RGS6: variants seen among roughly 807,000 people sequenced by gnomAD.
The protein encoded by RGS6 is regulator of G-protein signaling 6.
A neutral mutation model predicts 78.5 loss-of-function variants in RGS6; 30 were observed. The observed-to-expected ratio is 0.38, with a 90% confidence interval of 0.29 to 0.52. RGS6 has a LOEUF of 0.52. Ranked by LOEUF, RGS6 falls within the 20% of genes least tolerant of loss-of-function variation. The pLI is 0.85. For synonymous variants in RGS6, 206 were observed against 206.0 expected (o/e 1.00, Z 0.00); for missense variants, 495 against 609.7 (o/e 0.81, Z 1.98).
At chr14:72,165,842 T>C (rs2096917776) in intron 2 of RGS6, among the ~76,000 whole-genome samples, 1 of 152,182 alleles carries the variant, frequency 6.6e-6, no homozygotes, top group African/African-American at 2.4e-5. Flanking sequence ...GACATGTGTT[T>C]ATTCTGCAAG....
In RGS6 at chr14:72,349,323, C is replaced by T. The variant is rs1596109512; in HGVS notation, c.85-2772C>T. ...AATAACAACTATTCTGAGGCGTGTT[C>T]TTCTCATGGTAAGAGGGCAAGAGAA... On this transcript the variant is annotated intron_variant, in intron 2 of 17. Transcript: ENST00000553525. Among the ~76,000 whole-genome samples, 4 of 152,156 alleles carry T rather than the reference C, an allele frequency of 2.6e-5. No homozygotes were observed. In the East Asian group the frequency reaches 7.7e-4, roughly 29 times the overall value.
intron 2 of RGS6, among the ~76,000 whole-genome samples, chr14:72,278,293 A>G (rs2061017235): frequency 6.6e-6 from 1 of 152,216 alleles, no homozygotes; most frequent in Non-Finnish European, 1.5e-5. Context: ...TGATAGAAAA[A>G]GAGGCAAAAT....
chr14:72,400,236 C>A (rs2152994461), intron 3 of RGS6, among the ~76,000 whole-genome samples: 1 of 152,330 alleles, frequency 6.6e-6, no homozygotes, highest in Admixed American at 6.5e-5. Context: ...CAATATTCAA[C>A]ATTCTTAAAG....
chr14:71,986,861 A>T (rs908253593), intron 2 of RGS6, among the ~76,000 whole-genome samples: 2 of 152,140 alleles, frequency 1.3e-5, no homozygotes, highest in Admixed American at 6.6e-5. Flanking sequence ...GGCTGCCTAC[A>T]TTCCCTAAGT....
chr14:72,149,396 CCA>C (rs2096652061), intron 2 of RGS6, among the ~76,000 whole-genome samples: 1 of 152,118 alleles, frequency 6.6e-6, no homozygotes, highest in African/African-American at 2.4e-5. Flanking sequence ...TGTTTTAAAA[CCA>C]CCACATGGCG....
chr14:72,193,922 C>T (rs1173595498), intron 2 of RGS6, among the ~76,000 whole-genome samples: 1 of 152,078 alleles, frequency 6.6e-6, no homozygotes, highest in Non-Finnish European at 1.5e-5. Context: ...TCATGCTGCT[C>T]ATATCTGTTC....
intron 12 of RGS6, among the ~76,000 whole-genome samples, chr14:72,490,897 A>C (rs1201758814): frequency 6.6e-6 from 1 of 152,236 alleles, no homozygotes; most frequent in African/African-American, 2.4e-5. Flanking sequence ...TTGGATGTGC[A>C]TATGAATCAC....
chr14:72,445,054 T>C (rs565373933), intron 3 of RGS6, among the ~76,000 whole-genome samples: 1 of 152,236 alleles, frequency 6.6e-6, no homozygotes, highest in African/African-American at 2.4e-5. Context: ...GGTAAAGAGC[T>C]GAAGACTTTA....
At chr14:72,395,391 A>G (rs1159058856) in intron 3 of RGS6, among the ~76,000 whole-genome samples, 5 of 152,168 alleles carry the variant, frequency 3.3e-5, no homozygotes, top group Non-Finnish European at 7.3e-5. Context: ...ACACACTATA[A>G]AAATGGAATC....
At chr14:72,193,602 A>G (rs1018835709) in intron 2 of RGS6, among the ~76,000 whole-genome samples, 1 of 152,212 alleles carries the variant, frequency 6.6e-6, no homozygotes, top group Admixed American at 6.5e-5. Context: ...TGAGTAGTCA[A>G]ATAAGTTTTA....
At chr14:72,174,390 G>A (rs10146454) in intron 2 of RGS6, among the ~76,000 whole-genome samples, 1,661 of 152,260 alleles carry the variant, frequency 0.011, 21 homozygotes, top group African/African-American at 0.038. Flanking sequence ...GAGCCACTGC[G>A]CCCGGTGACC....
At chr14:72,154,262 G>C (rs997528232) in intron 2 of RGS6, among the ~76,000 whole-genome samples, 5 of 151,970 alleles carry the variant, frequency 3.3e-5, no homozygotes, top group African/African-American at 1.2e-4. Flanking sequence ...TCTTTTTCAA[G>C]GTACACTGAT....
intron 2 of RGS6, among the ~76,000 whole-genome samples, chr14:72,156,295 A>T (rs1331195720): frequency 6.6e-6 from 1 of 152,010 alleles, no homozygotes; most frequent in Non-Finnish European, 1.5e-5. Flanking sequence ...AGATACAAAA[A>T]ATTAGCTGGG....
intron 3 of RGS6, among the ~76,000 whole-genome samples, chr14:72,371,187 TG>T (rs1394695374): frequency 1.3e-5 from 2 of 152,242 alleles, no homozygotes; most frequent in Non-Finnish European, 2.9e-5. Context: ...TTTCTTCTTA[TG>T]GGATTCACTT....
At chr14:72,614,108 C>T in the RGS6 span, among the ~76,000 whole-genome samples, 37 of 152,324 alleles carry the variant, frequency 2.4e-4, 1 homozygote, top group East Asian at 7.1e-3. Context: ...CCCATTGTTT[C>T]CACACTCAGG....
chr14:72,205,981 A>G (rs1424210213), intron 2 of RGS6, among the ~76,000 whole-genome samples: 6 of 152,260 alleles, frequency 3.9e-5, no homozygotes, highest in African/African-American at 1.2e-4. Flanking sequence ...TAAAATGTAT[A>G]TGCCCTTTGG....
At chr14:71,877,428 A>T in the RGS6 span, among the ~76,000 whole-genome samples, 1 of 152,144 alleles carries the variant, frequency 6.6e-6, no homozygotes, top group African/African-American at 2.4e-5. Flanking sequence ...CATTCATTTG[A>T]TCTTCAATCA....
intron 2 of RGS6, among the ~76,000 whole-genome samples, chr14:72,199,619 T>C (rs1396765163): frequency 6.6e-6 from 1 of 152,192 alleles, no homozygotes; most frequent in Non-Finnish European, 1.5e-5. Flanking sequence ...TGGGAGGAAC[T>C]TGGTGTGGGA....
the RGS6 span, among the ~76,000 whole-genome samples, chr14:72,575,191 T>C: frequency 6.6e-6 from 1 of 151,826 alleles, no homozygotes; most frequent in Non-Finnish European, 1.5e-5. Context: ...GTTTCAGAGG[T>C]AGAGCAATTG....
Sources: allele counts gnomAD v4.1 joint callset (sites outside exome capture counted in the v4.1 genomes callset), GRCh38; gene constraint gnomAD v4.1.1; transcripts MANE v1.5; gene names NCBI Gene and HGNC (gene_info 2026-07-23, HGNC 2026-07-21).